Variants in IRAK3 observed in about 807,000 individuals in gnomAD.
IRAK3 encodes interleukin-1 receptor-associated kinase 3.
Under a neutral mutation model 56.6 loss-of-function variants are expected in IRAK3, and 57 were observed. The ratio of observed to expected loss-of-function variants is 1.01; its 90% CI spans 0.81 to 1.26. IRAK3 has a LOEUF of 1.26. IRAK3 is among the 50% of genes most tolerant of loss of function. The pLI is 0.00. For missense variants in IRAK3, 703 were observed against 719.0 expected (o/e 0.98, Z 0.25); for synonymous variants, 258 against 255.7 (o/e 1.01, Z -0.09).
rs766031686 is a variant in IRAK3 at position 66,244,654 on chromosome 12, C to T, written c.1056C>T (p.Ser352=). The change falls in exon 9 of 12, where the codon TCC becomes TCT. Residue 352 remains serine, a synonymous_variant. Transcript: ENST00000261233. ...PEEYIRQGKL[S]IKTDVYSFGI... ...AGTACATCAGACAGGGGAAACTTTC[C>T]ATTAAAACAGATGTCTACAGCTTTG... 2.5e-6 allele frequency: 4 copies of T among 1,613,952 alleles called. No individual in the cohort carries two copies. The South Asian group carries it at 3.3e-5, about 13-fold the overall frequency.
intron 7 of IRAK3, among the ~76,000 whole-genome samples, chr12:66,227,798 G>GGA (rs1231502166): frequency 6.6e-6 from 1 of 151,368 alleles, no homozygotes; most frequent in Non-Finnish European, 1.5e-5. Context: ...ACAGAGAGAG[G>GGA]GAGAGAGAGA....
intron 8 of IRAK3, among the ~76,000 whole-genome samples, chr12:66,232,179 GC>G (rs1255107512): frequency 6.6e-6 from 1 of 152,186 alleles, no homozygotes; most frequent in African/African-American, 2.4e-5. Flanking sequence ...TGGTGGTGGG[GC>G]TGCTGACAAT....
In IRAK3 at chr12:66,249,762, C is replaced by T. The variant is rs1358892837; in HGVS notation, c.*1591C>T. On this transcript the variant is annotated 3_prime_UTR_variant, in exon 12 of 12. Coordinates refer to ENST00000261233, the MANE Select transcript of IRAK3 (RefSeq NM_007199.3). ...TCTGTCTCACCGCATCTCTTCACTA[C>T]CCTCTTCCTCTCATTCTGGCCCTTC... 1 of 152,190 alleles carries T rather than the reference C, an allele frequency of 6.6e-6. No homozygotes were observed. Among genetic ancestry groups the T allele is most frequent in the African/African-American group, 2.4e-5 (1 of 41,414 alleles). The allele number at this position is 152,190 out of a possible 1,614,324, so 9.4% of individuals were successfully genotyped here. A position where few individuals can be genotyped will look rare whatever the true frequency, so the allele number is the denominator to read the frequency against.
chr12:66,227,761 CAAAAAA>C (rs34349535), intron 7 of IRAK3, among the ~76,000 whole-genome samples: 1 of 107,912 alleles, frequency 9.3e-6, no homozygotes. Context: ...GACCTTGTCT[CAAAAAA>C]AAAAAAAAAA....
intron 11 of IRAK3, among the ~76,000 whole-genome samples, chr12:66,247,235 G>A (rs552683192): frequency 1.8e-4 from 28 of 151,690 alleles, no homozygotes; most frequent in African/African-American, 5.6e-4. Flanking sequence ...ATCCCACTGC[G>A]CCACAGCCTG....
At chr12:66,206,059 C>T (rs1348941880) in intron 2 of IRAK3, among the ~76,000 whole-genome samples, 1 of 152,144 alleles carries the variant, frequency 6.6e-6, no homozygotes, top group Non-Finnish European at 1.5e-5. Flanking sequence ...ACAAAATTCG[C>T]AGCTTTCTAC....
At chr12:66,201,036 C>T (rs1360822246) in intron 1 of IRAK3, among the ~76,000 whole-genome samples, 1 of 152,190 alleles carries the variant, frequency 6.6e-6, no homozygotes, top group Non-Finnish European at 1.5e-5. Flanking sequence ...AGGCTGGTCT[C>T]AAACTCCTGA....
In IRAK3 at chr12:66,226,853, T is replaced by C. The variant is rs1020084829; in HGVS notation, c.768+16T>C. The C allele has an allele frequency of 7.1e-7, 1 of 1,399,886 alleles. No individual in the cohort carries two copies. The highest frequency in any genetic ancestry group is 1.0e-6 in the Non-Finnish European group (1 of 984,612). 86.7% of individuals were successfully genotyped at this position (1,399,886 alleles called of 1,614,324 possible). A position where few individuals can be genotyped will look rare whatever the true frequency, so the allele number is the denominator to read the frequency against. On this transcript the variant is annotated intron_variant, in intron 7 of 11. Coordinates refer to ENST00000261233, the MANE Select transcript of IRAK3 (RefSeq NM_007199.3). ...GCAGTGTGTAGTAAGTTCTATCTATTATTCTGTCTGATCCTCTGACCCCTT... is the reference window on the plus strand; with the variant it reads ...GCAGTGTGTAGTAAGTTCTATCTATCATTCTGTCTGATCCTCTGACCCCTT...
At chr12:66,225,624 C>T (rs980769061) in intron 6 of IRAK3, among the ~76,000 whole-genome samples, 10 of 151,902 alleles carry the variant, frequency 6.6e-5, no homozygotes, top group African/African-American at 2.4e-4. Context: ...TGAATTAAAC[C>T]GAGTTCACAG....
chr12:66,253,336 T>A lies in IRAK3; in HGVS notation c.*5165T>A, dbSNP rs1347899291. ...GTATGTGTTGCTTATAAATTTTCTC[T>A]ATGGTGGAAAATATTCCCAAACCAT... On this transcript the variant is annotated 3_prime_UTR_variant, in exon 12 of 12. Transcript: ENST00000261233. 2 of 152,232 alleles carry A rather than the reference T, an allele frequency of 1.3e-5. No individual in the cohort carries two copies. The highest frequency in any genetic ancestry group is 2.9e-5 in the Non-Finnish European group (2 of 68,040). The allele number at this position is 152,232 out of a possible 1,614,324, so 9.4% of individuals were successfully genotyped here. A position where few individuals can be genotyped will look rare whatever the true frequency, so the allele number is the denominator to read the frequency against.
Position 66,248,243 on chromosome 12 carries a change from C to A in IRAK3, c.*72C>A. ...GAGCATAGGTATGACCTTGGGAAGA[C>A]ATTGGCTCCATAAGCAATGCCAAGA... On this transcript the variant is annotated 3_prime_UTR_variant, in exon 12 of 12. Coordinates refer to ENST00000261233, the MANE Select transcript of IRAK3 (RefSeq NM_007199.3). 1 of 1,044,076 alleles carries A rather than the reference C, an allele frequency of 9.6e-7. No homozygotes were observed. The highest frequency in any genetic ancestry group is 1.5e-6 in the Non-Finnish European group (1 of 675,396). 64.7% of individuals were successfully genotyped at this position (1,044,076 alleles called of 1,614,324 possible). A position where few individuals can be genotyped will look rare whatever the true frequency, so the allele number is the denominator to read the frequency against.
At chr12:66,194,603 G>A (rs2052432014) in intron 1 of IRAK3, among the ~76,000 whole-genome samples, 1 of 152,132 alleles carries the variant, frequency 6.6e-6, no homozygotes, top group African/African-American at 2.4e-5. Context: ...TGAGGCGGGT[G>A]GATTGCTTGT....
chr12:66,193,305 G>A (rs777727418), intron 1 of IRAK3, among the ~76,000 whole-genome samples: 1 of 152,048 alleles, frequency 6.6e-6, no homozygotes, highest in African/African-American at 2.4e-5. Context: ...GAGCCACCGC[G>A]CCTGGCCTAG....
In IRAK3 at chr12:66,209,387, G is replaced by C; in HGVS notation, c.317-69G>C. 3 of 861,344 alleles carry C rather than the reference G, an allele frequency of 3.5e-6. No individual in the cohort carries two copies. In the South Asian group the frequency reaches 4.0e-5, roughly 12 times the overall value. 53.4% of individuals were successfully genotyped at this position (861,344 alleles called of 1,614,324 possible). On this transcript the variant is annotated intron_variant, in intron 2 of 11. Coordinates refer to ENST00000261233, the MANE Select transcript of IRAK3 (RefSeq NM_007199.3). Reference sequence around the variant, plus strand: ...GGCTAGCAAGACATTTATTTTCAGAGTCTCAGAAAGGAAAAACATTAGGGA... The same window carrying C: ...GGCTAGCAAGACATTTATTTTCAGACTCTCAGAAAGGAAAAACATTAGGGA...
chr12:66,210,437 C>T lies in IRAK3; in HGVS notation c.436+236C>T, dbSNP rs531875039. On this transcript the variant is annotated intron_variant, in intron 4 of 11. Transcript: ENST00000261233. ...GAAGAATGCAATTGTGGTCTCTTCA[C>T]ACGGGGGATATTTTAGTTTTTTGTT... 5.2e-4 allele frequency among the ~76,000 whole-genome samples: 18 copies of T among 34,614 alleles called. 1 individual carries two copies. The South Asian group carries it at 0.015, about 29-fold the overall frequency. 22.7% of individuals were successfully genotyped at this position (34,614 alleles called of 152,430 possible). A position where few individuals can be genotyped will look rare whatever the true frequency, so the allele number is the denominator to read the frequency against.
At chr12:66,223,960 C>G (rs1402205494) in intron 6 of IRAK3, among the ~76,000 whole-genome samples, 1 of 152,008 alleles carries the variant, frequency 6.6e-6, no homozygotes, top group East Asian at 2.0e-4. Context: ...ATTTATTTGT[C>G]TGGTGAGGTG....
chr12:66,228,139 C>T, intron 7 of IRAK3, 113 bp from the exon 8 acceptor site: 2 of 828,400 alleles, frequency 2.4e-6, no homozygotes, highest in Non-Finnish European at 4.3e-6. Flanking sequence ...TTGATTCACC[C>T]ACCTCACCCC....
In IRAK3 at chr12:66,203,737, G is replaced by A. The variant is rs765849164; in HGVS notation, c.160G>A (p.Asp54Asn). The A allele has an allele frequency of 6.2e-7, 1 of 1,614,080 alleles. No individual in the cohort carries two copies. Among genetic ancestry groups the A allele is most frequent in the Non-Finnish European group, 8.5e-7 (1 of 1,180,000 alleles). Reference protein sequence around the residue: ...LAERLSSSWLDVRHIEKYVDQ... With the variant: ...LAERLSSSWLNVRHIEKYVDQ... ...AGAGAGACTTTCAAGCAGCTGGCTG[G>A]ATGTTCGTCATATTGAAAAGTATGT... The change falls in exon 2 of 12, where the codon GAT (aspartate) becomes AAT (asparagine). Residue 54 changes from aspartate to asparagine, a missense_variant. Coordinates refer to ENST00000261233, the MANE Select transcript of IRAK3 (RefSeq NM_007199.3).
intron 5 of IRAK3, among the ~76,000 whole-genome samples, chr12:66,214,370 CA>C (rs995844616): frequency 6.9e-5 from 10 of 144,834 alleles, no homozygotes; most frequent in Admixed American, 1.4e-4. Flanking sequence ...CCAAGAAATA[CA>C]AAAAAAAAAT....
Sources: gnomAD v4.1 joint callset for allele counts (sites outside exome capture counted in the v4.1 genomes callset) on GRCh38, gnomAD v4.1.1 for gene constraint, MANE v1.5 for transcripts, NCBI Gene and HGNC (gene_info 2026-07-23, HGNC 2026-07-21) for gene names.